TRMT9B: variants seen among roughly 807,000 people sequenced by gnomAD.
TRMT9B encodes probable tRNA methyltransferase 9B.
A neutral mutation model predicts 11.5 loss-of-function variants in TRMT9B; 16 were observed. The observed-to-expected ratio is 1.39, with a 90% CI of 0.94 to 2.11. The LOEUF (loss-of-function observed/expected upper bound fraction) is 2.11, where lower values mean the gene tolerates loss of function less well. Ranked by LOEUF, TRMT9B falls within the 30% of genes most tolerant of loss-of-function variation. The probability of loss-of-function intolerance (pLI) is 0.00; values close to 1 mark genes in which losing one functional copy is unlikely to be tolerated. For missense variants in TRMT9B, 941 were observed against 553.8 expected (o/e 1.70, Z -7.02); for synonymous variants, 274 against 192.4 (o/e 1.42, Z -3.51).
chr8:12,972,445 A>C (rs1302251349), intron 1 of TRMT9B, among the ~76,000 whole-genome samples: 1 of 152,176 alleles, frequency 6.6e-6, no homozygotes, highest in African/African-American at 2.4e-5. Context: ...AAAGTGAAAG[A>C]AACTGGAAAC....
At chr8:12,981,727 G>C (rs1282601778) in intron 1 of TRMT9B, among the ~76,000 whole-genome samples, 2 of 151,858 alleles carry the variant, frequency 1.3e-5, no homozygotes, top group Admixed American at 1.3e-4. Flanking sequence ...AGTCTCCTGA[G>C]TAGCTAGGAC....
rs115406943 is a variant in TRMT9B, at chr8:13,020,995, T to C, written c.329-13T>C. 5,575 of 1,507,422 alleles carry C rather than the reference T, an allele frequency of 3.7e-3. 162 individuals are homozygous for C. In the African/African-American group the frequency reaches 0.069, roughly 19 times the overall value. 93.4% of individuals were successfully genotyped at this position (1,507,422 alleles called of 1,614,324 possible). On this transcript the variant is annotated splice_polypyrimidine_tract_variant and intron_variant, in intron 4 of 4. Coordinates refer to ENST00000524591, the MANE Select transcript of TRMT9B (RefSeq NM_020844.3). Reference sequence around the variant, plus strand: ...TGTGCATACACACTGAGATCTAGTTTTGTCTTTTTCAGTCATACATCATTT... The same window carrying C: ...TGTGCATACACACTGAGATCTAGTTCTGTCTTTTTCAGTCATACATCATTT...
chr8:13,012,499 C>T (rs927715760), intron 3 of TRMT9B, 185 bp from the exon 4 acceptor site: 9 of 718,882 alleles, frequency 1.3e-5, no homozygotes, highest in South Asian at 7.5e-5. Flanking sequence ...TGCTTGAACC[C>T]GTGAGGCAGA....
intron 2 of TRMT9B, among the ~76,000 whole-genome samples, chr8:13,001,999 A>G (rs17123247): frequency 0.091 from 13,781 of 152,240 alleles, 979 homozygotes; most frequent in African/African-American, 0.21. Context: ...GGAAACTATT[A>G]TAGGAAATTT....
chr8:12,959,516 C>CTCTTTTTTTTTTTTTTTTTTTTTTTTTTT (rs757156112), intron 1 of TRMT9B, among the ~76,000 whole-genome samples: 1 of 74,896 alleles, frequency 1.3e-5, no homozygotes, highest in African/African-American at 5.0e-5. Context: ...TTTTTCCTTC[C>CTCTTTTTTTTTTTTTTTTTTTTTTTTTTT]TTTTTTTTTT....
chr8:13,029,070 T>C lies in TRMT9B; in HGVS notation c.*7026T>C, dbSNP rs1815060982. ...TATAACACACATATATATATATTCC[T>C]AGACATCTAGTGTTTGCTGTCATTA... On this transcript the variant is annotated 3_prime_UTR_variant, in exon 5 of 5. Coordinates refer to ENST00000524591, the MANE Select transcript of TRMT9B (RefSeq NM_020844.3). The C allele has an allele frequency of 6.0e-6, 1 of 166,886 alleles. No homozygotes were observed. Among genetic ancestry groups the C allele is most frequent in the Non-Finnish European group, 1.5e-5 (1 of 68,112 alleles). The allele number at this position is 166,886 out of a possible 1,614,324, so 10.3% of individuals were successfully genotyped here. A position where few individuals can be genotyped will look rare whatever the true frequency, so the allele number is the denominator to read the frequency against.
At chr8:13,005,005 G>C (rs1209941920) in intron 2 of TRMT9B, among the ~76,000 whole-genome samples, 1 of 151,460 alleles carries the variant, frequency 6.6e-6, no homozygotes, top group African/African-American at 2.4e-5. Context: ...CACGGCCTGG[G>C]GGAACTTGCT....
intron 1 of TRMT9B, among the ~76,000 whole-genome samples, chr8:12,966,659 T>A (rs552858166): frequency 1.3e-5 from 2 of 152,322 alleles, no homozygotes; most frequent in East Asian, 1.9e-4. Flanking sequence ...AGCCTGGGAC[T>A]TCTTTGATTA....
intron 1 of TRMT9B, among the ~76,000 whole-genome samples, chr8:12,980,513 C>T (rs905057392): frequency 3.9e-5 from 6 of 152,136 alleles, no homozygotes; most frequent in Admixed American, 3.3e-4. Context: ...TCCCTGCTCC[C>T]GTGTCTATGG....
chr8:13,003,325 C>T (rs1351793044), intron 2 of TRMT9B, among the ~76,000 whole-genome samples: 1 of 152,146 alleles, frequency 6.6e-6, no homozygotes, highest in African/African-American at 2.4e-5. Context: ...CACTCACTCA[C>T]ATGCCAAAAT....
rs1811879804 is a variant in TRMT9B, at chr8:13,012,717, G to A, written c.188G>A (p.Ser63Asn). The change falls in exon 4 of 5, where the codon AGC (serine) becomes AAC (asparagine). Residue 63 changes from serine to asparagine, a missense_variant. Ser to Asn is a conservative substitution (Grantham distance 46). Coordinates refer to ENST00000524591, the MANE Select transcript of TRMT9B (RefSeq NM_020844.3). ...ACTGGAAAATATCTTAAAGTGAACA[G>A]CCAGGTACATACCGTGGGCTGTGAC... The part of the protein sequence containing the change: ...CGTGKYLKVN[S>N]QVHTVGCDYC... 6.2e-7 allele frequency: 1 copy of A among 1,613,986 alleles called. No individual in the cohort carries two copies. The highest frequency in any genetic ancestry group is 8.5e-7 in the Non-Finnish European group (1 of 1,179,874).
rs1397118921 is a variant in TRMT9B, at chr8:13,026,739, G to C, written c.*4695G>C. 6.0e-6 allele frequency: 1 copy of C among 167,044 alleles called. No homozygotes were observed. Among genetic ancestry groups the C allele is most frequent in the African/African-American group, 2.4e-5 (1 of 41,438 alleles). 10.3% of individuals were successfully genotyped at this position (167,044 alleles called of 1,614,324 possible). On this transcript the variant is annotated 3_prime_UTR_variant, in exon 5 of 5. Transcript: ENST00000524591. ...CACATTTAGTTAGAGGCAGAGCTGGGATTCAAACCCAGGTCTGGCTCCTAG... is the reference window on the plus strand; with the variant it reads ...CACATTTAGTTAGAGGCAGAGCTGGCATTCAAACCCAGGTCTGGCTCCTAG...
intron 2 of TRMT9B, among the ~76,000 whole-genome samples, chr8:12,993,903 A>G (rs1037904671): frequency 7.9e-5 from 12 of 152,262 alleles, no homozygotes; most frequent in Non-Finnish European, 1.3e-4. Flanking sequence ...AGTAGCTGGC[A>G]CAATAAAAGG....
At position 13,022,369 on chromosome 8, in the gene TRMT9B, C is replaced by A; in HGVS notation, c.*325C>A. The A allele has an allele frequency of 4.7e-6, 1 of 214,100 alleles. No individual in the cohort carries two copies. Among genetic ancestry groups the A allele is most frequent in the Non-Finnish European group, 1.0e-5 (1 of 100,194 alleles). 13.3% of individuals were successfully genotyped at this position (214,100 alleles called of 1,614,324 possible). A position where few individuals can be genotyped will look rare whatever the true frequency, so the allele number is the denominator to read the frequency against. ...ATGTATAGTGTTTTTCAGTATTACACATTGATTTAAAAAGATTATGCTGTT... is the reference window on the plus strand; with the variant it reads ...ATGTATAGTGTTTTTCAGTATTACAAATTGATTTAAAAAGATTATGCTGTT... On this transcript the variant is annotated 3_prime_UTR_variant, in exon 5 of 5. Coordinates refer to ENST00000524591, the MANE Select transcript of TRMT9B (RefSeq NM_020844.3).
chr8:12,998,346 G>A (rs77854680), intron 2 of TRMT9B, among the ~76,000 whole-genome samples: 9,265 of 152,186 alleles, frequency 0.061, 346 homozygotes, highest in African/African-American at 0.1. Flanking sequence ...TTATTGTTCT[G>A]TATGATAGAA....
At chr8:12,970,694 A>C (rs781456920) in intron 1 of TRMT9B, among the ~76,000 whole-genome samples, 1 of 152,226 alleles carries the variant, frequency 6.6e-6, no homozygotes, top group Non-Finnish European at 1.5e-5. Context: ...TTTAAAAAGT[A>C]TCACTACAGA....
chr8:12,946,512 C>CTTTA (rs1800271330), intron 1 of TRMT9B, among the ~76,000 whole-genome samples: 1 of 152,128 alleles, frequency 6.6e-6, no homozygotes, highest in Non-Finnish European at 1.5e-5. Context: ...AGGGCAGCTG[C>CTTTA]TTTAGGTGCA....
At chr8:12,975,458 G>C (rs569175046) in intron 1 of TRMT9B, among the ~76,000 whole-genome samples, 2 of 152,062 alleles carry the variant, frequency 1.3e-5, no homozygotes, top group Non-Finnish European at 2.9e-5. Context: ...GTTTCTAGGG[G>C]AGGTACAGTA....
chr8:13,010,610 G>C, intron 3 of TRMT9B: 2 of 985,240 alleles, frequency 2.0e-6, no homozygotes, highest in Non-Finnish European at 2.4e-6. Flanking sequence ...CAGGAGAAAA[G>C]ACCTCTGTTT....
Sources: allele counts gnomAD v4.1 joint callset (sites outside exome capture counted in the v4.1 genomes callset), GRCh38; gene constraint gnomAD v4.1.1; transcripts MANE v1.5; gene names NCBI Gene and HGNC (gene_info 2026-07-23, HGNC 2026-07-21).